SIMC1: variants seen among roughly 807,000 people sequenced by gnomAD.
SIMC1 encodes the protein SUMO interacting motifs containing 1.
A neutral mutation model predicts 82.3 loss-of-function variants in SIMC1; 55 were observed. The observed-to-expected ratio is 0.67, with a 90% CI of 0.54 to 0.84. SIMC1 has a LOEUF of 0.84. Ranked by LOEUF, SIMC1 falls within the 40% of genes least tolerant of loss-of-function variation. The pLI, the probability that SIMC1 is intolerant of heterozygous loss-of-function variation, is 0.00. For synonymous variants in SIMC1, 353 were observed against 426.3 expected (o/e 0.83, Z 2.12); for missense variants, 915 against 1,107.2 (o/e 0.83, Z 2.46).
chr5:176,281,985 T>G (rs1763030168), intron 1 of SIMC1, among the ~76,000 whole-genome samples: 1 of 152,218 alleles, frequency 6.6e-6, no homozygotes, highest in Admixed American at 6.5e-5. Context: ...CATTTAAGTC[T>G]GCAGAGGTTA....
intron 1 of SIMC1, among the ~76,000 whole-genome samples, chr5:176,275,377 GACAA>G: frequency 6.6e-6 from 1 of 151,984 alleles, no homozygotes; most frequent in East Asian, 1.9e-4. Flanking sequence ...TTTGGTCTGA[GACAA>G]TGGGCTTTTC....
chr5:176,339,622 C>G (rs987705596), intron 9 of SIMC1, among the ~76,000 whole-genome samples: 2 of 152,116 alleles, frequency 1.3e-5, no homozygotes, highest in Non-Finnish European at 2.9e-5. Flanking sequence ...GGGAATACAC[C>G]TATCATGGGC....
intron 7 of SIMC1, among the ~76,000 whole-genome samples, chr5:176,329,709 T>C (rs1389591174): frequency 6.6e-6 from 1 of 152,182 alleles, no homozygotes; most frequent in Non-Finnish European, 1.5e-5. Flanking sequence ...TAGGTTTCTT[T>C]TTCGCAGAGA....
In SIMC1 at chr5:176,273,298, A is replaced by G. The variant is rs540218242; in HGVS notation, c.130-16356A>G. Among the ~76,000 whole-genome samples the G allele has an allele frequency of 5.3e-5, 8 of 152,274 alleles. No individual in the cohort carries two copies. In the South Asian group the frequency reaches 8.3e-4, roughly 16 times the overall value. On this transcript the variant is annotated intron_variant, in intron 1 of 9. Transcript: ENST00000429602. ...CAATATTCACTGTTCTGCAGCCTCT[A>G]CTGGTGATACTCAGGCAAACAGGGT...
chr5:176,324,011 A>G (rs1276951571), intron 6 of SIMC1, among the ~76,000 whole-genome samples: 2 of 151,660 alleles, frequency 1.3e-5, no homozygotes, highest in African/African-American at 4.8e-5. Context: ...AAAAAAAAAA[A>G]AAACACGTGT....
At chr5:176,249,843 CA>C (rs66752759) in intron 1 of SIMC1, among the ~76,000 whole-genome samples, 25 of 81,794 alleles carry the variant, frequency 3.1e-4, no homozygotes, top group South Asian at 1.1e-3. Context: ...GATTCCGTCT[CA>C]AAAAAAAAAA....
intron 5 of SIMC1, among the ~76,000 whole-genome samples, chr5:176,317,126 A>G (rs1029417967): frequency 1.3e-5 from 2 of 152,242 alleles, no homozygotes; most frequent in African/African-American, 4.8e-5. Context: ...TCTTTGATTC[A>G]TTAAGAAATG....
chr5:176,265,625 A>T, intron 1 of SIMC1, among the ~76,000 whole-genome samples: 1 of 152,076 alleles, frequency 6.6e-6, no homozygotes, highest in South Asian at 2.1e-4. Context: ...GTTATTTCCT[A>T]GTTTCACTCT....
chr5:176,294,280 C>T (rs1205384172), intron 2 of SIMC1, among the ~76,000 whole-genome samples: 1 of 77,372 alleles, frequency 1.3e-5, no homozygotes, highest in Non-Finnish European at 2.9e-5. Context: ...TTAGATAAAG[C>T]TCTTTTTTGT....
Position 176,289,833 on chromosome 5 carries a change from C to G in SIMC1, c.309C>G (p.Leu103=), listed in dbSNP as rs756522414. Reference sequence around the variant, plus strand: ...CCAGTCTTCAGACATGTGCCAGCCTCTCTGGCAAAGCGGTGATGGAAGGGC... The same window carrying G: ...CCAGTCTTCAGACATGTGCCAGCCTGTCTGGCAAAGCGGTGATGGAAGGGC... ...EPTSLQTCAS[L]SGKAVMEGHV... The change falls in exon 2 of 10, where the codon CTC becomes CTG. Residue 103 remains leucine (L), a synonymous_variant. Transcript: ENST00000429602. 8 of 1,613,874 alleles carry G rather than the reference C, an allele frequency of 5.0e-6. No homozygotes were observed. The highest frequency in any genetic ancestry group is 6.8e-6 in the Non-Finnish European group (8 of 1,179,892).
chr5:176,343,489 T>C (rs906073671), intron 9 of SIMC1, among the ~76,000 whole-genome samples: 1 of 152,346 alleles, frequency 6.6e-6, no homozygotes, highest in African/African-American at 2.4e-5. Context: ...CCTTTATAAC[T>C]TTTTGTTTTC....
At chr5:176,243,629 T>C (rs1406466438) in intron 1 of SIMC1, among the ~76,000 whole-genome samples, 1 of 151,892 alleles carries the variant, frequency 6.6e-6, no homozygotes, top group Admixed American at 6.6e-5. Flanking sequence ...TCAAGCAATT[T>C]CCCCCACCTC....
intron 7 of SIMC1, among the ~76,000 whole-genome samples, chr5:176,325,250 G>A (rs887401951): frequency 6.6e-6 from 1 of 152,092 alleles, no homozygotes; most frequent in Non-Finnish European, 1.5e-5. Flanking sequence ...AGTTGGGCGT[G>A]GTGGTGCACA....
At position 176,286,523 on chromosome 5, in the gene SIMC1, G is replaced by C. The variant is rs199859591; in HGVS notation, c.130-3131G>C. Among the ~76,000 whole-genome samples, 566 of 151,518 alleles carry C rather than the reference G, an allele frequency of 3.7e-3. 3 individuals carry two copies. Among genetic ancestry groups the C allele is most frequent in the African/African-American group, 0.013 (535 of 41,310 alleles). Reference sequence around the variant, plus strand: ...AAAGACTTAAATGTTAGATCTAAAAGCATAAAAACCCTAGAAGAAAACCTA... The same window carrying C: ...AAAGACTTAAATGTTAGATCTAAAACCATAAAAACCCTAGAAGAAAACCTA... On this transcript the variant is annotated intron_variant, in intron 1 of 9. Coordinates refer to ENST00000429602, the MANE Select transcript of SIMC1 (RefSeq NM_001308195.2).
intron 1 of SIMC1, among the ~76,000 whole-genome samples, chr5:176,264,718 A>C (rs939399133): frequency 6.6e-6 from 1 of 151,576 alleles, no homozygotes; most frequent in African/African-American, 2.4e-5. Flanking sequence ...AGACTTTTAC[A>C]GTCTGCTTTC....
Position 176,290,902 on chromosome 5 carries a change from C to G in SIMC1, c.1378C>G (p.Pro460Ala), listed in dbSNP as rs1268558973. 2.5e-6 allele frequency: 4 copies of G among 1,611,450 alleles called. No individual in the cohort carries two copies. The East Asian group carries it at 8.9e-5, about 36-fold the overall frequency. The change falls in exon 2 of 10, where the codon CCG becomes GCG. Residue 460 changes from proline to alanine, a missense_variant. By Grantham distance (27) the Pro-to-Ala change is conservative. This residue lies in a region of SIMC1 where 902 missense variants were observed against 1,040.3 expected (regional missense o/e 0.87). Transcript: ENST00000429602. Reference sequence around the variant, plus strand: ...TAGACTGAAGTACTTCTTACGTCCTCCGGTTCATCACCTCTTCTTTCAGAC... The same window carrying G: ...TAGACTGAAGTACTTCTTACGTCCTGCGGTTCATCACCTCTTCTTTCAGAC... ...LHRLKYFLRP[P>A]VHHLFFQTLI...
At chr5:176,327,910 A>T in intron 7 of SIMC1, among the ~76,000 whole-genome samples, 1 of 152,194 alleles carries the variant, frequency 6.6e-6, no homozygotes, top group East Asian at 1.9e-4. Flanking sequence ...CGTTAAACCA[A>T]CTTTGCATTC....
Position 176,295,014 on chromosome 5 carries a change from T to C in SIMC1, c.1432-16T>C, listed in dbSNP as rs771328639. On this transcript the variant is annotated splice_polypyrimidine_tract_variant and intron_variant, in intron 2 of 9. Transcript: ENST00000429602. ...AAAGAAATCCCTCCTAATTTCCTTC[T>C]TTTTAATCTCTACAGAACAAGGGTC... 61 of 1,598,292 alleles carry C rather than the reference T, an allele frequency of 3.8e-5. No homozygotes were observed. The highest frequency in any genetic ancestry group is 7.3e-5 in the Admixed American group (4 of 54,924).
chr5:176,263,585 CCCTTGAGAATGGCACCATGA>C (rs1425192327), intron 1 of SIMC1: 33 of 1,318,318 alleles, frequency 2.5e-5, no homozygotes, highest in African/African-American at 3.0e-5. Flanking sequence ...CTGGCTCAAT[CCCTTGAGAATGGCACCATGA>C]CATTTATGAG....
Sources: gnomAD v4.1 joint callset for allele counts (sites outside exome capture counted in the v4.1 genomes callset) on GRCh38, gnomAD v4.1.1 for gene constraint, gnomAD v4.1.1 regional missense constraint, MANE v1.5 for transcripts, NCBI Gene and HGNC (gene_info 2026-07-23, HGNC 2026-07-21) for gene names.